The following LILRB1 variants were observed in gnomAD, a reference collection of about 807,000 sequenced individuals.
LILRB1 encodes leukocyte immunoglobulin like receptor B1, also known as leukocyte immunoglobulin-like receptor subfamily B member 1.
LILRB1 carries 59 observed loss-of-function variants against 74.6 expected under a neutral mutation model. That is an observed-to-expected ratio of 0.79 (90% CI 0.64 to 0.98). The LOEUF is 0.98. LILRB1 is among the 50% of genes least tolerant of loss of function. The pLI is 0.00. For synonymous variants in LILRB1, 328 were observed against 333.9 expected (o/e 0.98, Z 0.19); for missense variants, 804 against 822.6 (o/e 0.98, Z 0.28).
Position 54,633,691 on chromosome 19 carries a change from G to A in LILRB1, c.1312+3G>A, listed in dbSNP as rs577207825. 8 of 1,613,586 alleles carry A rather than the reference G, an allele frequency of 5.0e-6. No homozygotes were observed. In the South Asian group the frequency reaches 8.8e-5, roughly 18 times the overall value. On this transcript the variant is annotated splice_donor_region_variant and intron_variant, in intron 8 of 14. Coordinates refer to ENST00000324602, the MANE Select transcript of LILRB1 (RefSeq NM_001081637.3). ...AACAGGCCCCACCTCCACATCTGGT[G>A]AGTCCCTGAGGCTTCTGAACTCAAG...
At position 54,631,805 on chromosome 19, in the gene LILRB1, G is replaced by A; in HGVS notation, c.358+18G>A. ...GGTGACAGGTGAGCTGACACTCAGG[G>A]GTCCCAGCCCCAGACTCTGCCCTCA... On this transcript the variant is annotated intron_variant, in intron 4 of 14. Transcript: ENST00000324602. 1.9e-6 allele frequency: 3 copies of A among 1,613,208 alleles called. No individual in the cohort carries two copies. Among genetic ancestry groups the A allele is most frequent in the Non-Finnish European group, 2.5e-6 (3 of 1,179,344 alleles).
chr19:54,628,489 C>A (rs149700476), upstream of LILRB1, among the ~76,000 whole-genome samples: 3 of 152,244 alleles, frequency 2.0e-5, no homozygotes, highest in East Asian at 5.8e-4. Flanking sequence ...GTTGGGGACC[C>A]TATGACCACC....
upstream of LILRB1, among the ~76,000 whole-genome samples, chr19:54,628,354 T>A (rs2063653382): frequency 6.6e-6 from 1 of 152,194 alleles, no homozygotes; most frequent in Non-Finnish European, 1.5e-5. Flanking sequence ...AATGTTAGCA[T>A]AGCTCTGACA....
Position 54,634,330 on chromosome 19 carries a change from C to A in LILRB1, c.1363+309C>A, listed in dbSNP as rs1004121462. 7 of 1,540,776 alleles carry A rather than the reference C, an allele frequency of 4.5e-6. No individual in the cohort carries two copies. In the South Asian group the frequency reaches 8.4e-5, roughly 18 times the overall value. On this transcript the variant is annotated intron_variant, in intron 9 of 14. Transcript: ENST00000324602. ...CTGGGGCAGGGGAGGGGAGAAGAGT[C>A]ATGGTTCAGGACGGTCAGGCTCTTT...
At chr19:54,633,550 C>G in intron 7 of LILRB1, 88 bp from the exon 8 acceptor site, 3 of 1,329,426 alleles carry the variant, frequency 2.3e-6, no homozygotes, top group Non-Finnish European at 3.1e-6. Context: ...CCTGGGGAGG[C>G]CACAGGTCCC....
Position 54,631,713 on chromosome 19 carries a change from G to A in LILRB1, c.284G>A (p.Arg95Gln), listed in dbSNP as rs200251602. The change falls in exon 4 of 15, where the codon CGG (arginine) becomes CAG (glutamine). Residue 95 changes from arginine to glutamine, a missense_variant. Coordinates refer to ENST00000324602, the MANE Select transcript of LILRB1 (RefSeq NM_001081637.3). ...IPSITWEHTGRYRCYYGSDTA... is the reference protein window; with the variant it reads ...IPSITWEHTGQYRCYYGSDTA... ...TCCATCACCTGGGAACACACAGGGC[G>A]GTATCGCTGTTACTATGGTAGCGAC... is the stretch of plus-strand genomic sequence containing the variant. 2.4e-4 allele frequency: 386 copies of A among 1,614,018 alleles called. No homozygotes were observed. Among genetic ancestry groups the A allele is most frequent in the South Asian group, 3.4e-4 (31 of 90,996 alleles).
chr19:54,631,845 T>C (rs2146252510), intron 4 of LILRB1, 58 bp downstream of exon 4: 1 of 1,605,568 alleles, frequency 6.2e-7, no homozygotes, highest in South Asian at 1.1e-5. Flanking sequence ...GGGGGACGGC[T>C]CTCAGGGGCT....
upstream of LILRB1, chr19:54,630,398 G>A (rs1264083450): frequency 9.0e-6 from 3 of 332,612 alleles, no homozygotes; most frequent in Admixed American, 1.2e-4. Flanking sequence ...TTTTAAAAAG[G>A]GGAAGTTAAG....
chr19:54,628,953 C>T (rs901462892), upstream of LILRB1, among the ~76,000 whole-genome samples: 1 of 152,176 alleles, frequency 6.6e-6, no homozygotes, highest in African/African-American at 2.4e-5. Context: ...AGCCAGGAAC[C>T]GCAGGTGAAA....
rs185509857 is a variant in LILRB1 at position 54,637,231 on chromosome 19, C to T, written c.*353C>T. The T allele has an allele frequency of 1.2e-3, 291 of 239,670 alleles. 1 individual carries two copies. Among genetic ancestry groups the T allele is most frequent in the African/African-American group, 6.1e-3 (270 of 44,288 alleles). The allele number at this position is 239,670 out of a possible 1,614,324, so 14.8% of individuals were successfully genotyped here. On this transcript the variant is annotated 3_prime_UTR_variant, in exon 15 of 15. Transcript: ENST00000324602. ...TAGGAAATGAATGATCTTGGCTTTC[C>T]TATAAGAAATTTAGGGCAGGGCACG...
chr19:54,621,925 A>G (rs2063468404), intron 1 of LILRB1, among the ~76,000 whole-genome samples: 1 of 152,192 alleles, frequency 6.6e-6, no homozygotes, highest in Admixed American at 6.5e-5. Context: ...TTTTTCCAGC[A>G]TCCTTTATTG....
chr19:54,620,265 G>T (rs1440617479), intron 1 of LILRB1, among the ~76,000 whole-genome samples: 1 of 152,002 alleles, frequency 6.6e-6, no homozygotes, highest in African/African-American at 2.4e-5. Flanking sequence ...ATAATGCAAA[G>T]GAATTGTTCT....
At chr19:54,617,970 G>T (rs1402698605) in intron 1 of LILRB1, among the ~76,000 whole-genome samples, 1 of 151,610 alleles carries the variant, frequency 6.6e-6, no homozygotes, top group Non-Finnish European at 1.5e-5. Flanking sequence ...GGCAGTAGTG[G>T]CACACTCGTA....
intron 1 of LILRB1, 108 bp downstream of exon 1, chr19:54,630,741 G>T: frequency 1.3e-6 from 1 of 749,186 alleles, no homozygotes; most frequent in Non-Finnish European, 2.4e-6. Context: ...GTCAGGAAGG[G>T]CAGACACAGG....
chr19:54,632,441 A>G (rs1258534655), intron 5 of LILRB1, 23 bp from the exon 6 acceptor site: 2 of 1,581,238 alleles, frequency 1.3e-6, no homozygotes, highest in South Asian at 2.3e-5. Flanking sequence ...CGGCTCCTGG[A>G]AACCATGACC....
intron 1 of LILRB1, among the ~76,000 whole-genome samples, chr19:54,621,009 A>G (rs1164567239): frequency 6.6e-6 from 1 of 152,060 alleles, no homozygotes; most frequent in East Asian, 1.9e-4. Flanking sequence ...AGTAGCTGGG[A>G]TTACAGGTGC....
At chr19:54,635,227 C>G (rs1328274927) in intron 11 of LILRB1, 32 bp from the exon 12 acceptor site, 59 of 1,612,154 alleles carry the variant, frequency 3.7e-5, no homozygotes, top group Non-Finnish European at 4.9e-5. Flanking sequence ...GTGGCCCATA[C>G]ACTGCCCCTA....
chr19:54,631,181 G>C, intron 2 of LILRB1, 74 bp downstream of exon 2: 1 of 1,613,874 alleles, frequency 6.2e-7, no homozygotes, highest in East Asian at 2.2e-5. Flanking sequence ...TTGTCCCTAA[G>C]GAGACCCCAG....
At chr19:54,623,476 A>G (rs1470654709) in intron 1 of LILRB1, among the ~76,000 whole-genome samples, 2 of 152,112 alleles carry the variant, frequency 1.3e-5, no homozygotes, top group African/African-American at 2.4e-5. Context: ...TCTGATGGTC[A>G]TTTGTATTTC....
Sources: allele counts gnomAD v4.1 joint callset (sites outside exome capture counted in the v4.1 genomes callset), GRCh38; gene constraint gnomAD v4.1.1; transcripts MANE v1.5; gene names NCBI Gene and HGNC (gene_info 2026-07-23, HGNC 2026-07-21).